KDM4C: variants seen among roughly 807,000 people sequenced by gnomAD.
The protein encoded by KDM4C is lysine demethylase 4C, also known as lysine-specific demethylase 4C.
KDM4C carries 81 observed loss-of-function variants against 129.3 expected under a neutral mutation model. That is an observed-to-expected ratio of 0.63 (90% CI 0.52 to 0.75). The LOEUF is 0.75. Ranked by LOEUF, KDM4C falls within the 30% of genes least tolerant of loss-of-function variation. KDM4C has a pLI of 0.00. For missense variants in KDM4C, 1,457 were observed against 1,304.0 expected (o/e 1.12, Z -1.81); for synonymous variants, 573 against 456.1 (o/e 1.26, Z -3.26).
At chr9:6,913,972 C>T (rs1048361372) in intron 8 of KDM4C, among the ~76,000 whole-genome samples, 1 of 152,202 alleles carries the variant, frequency 6.6e-6, no homozygotes, top group Non-Finnish European at 1.5e-5. Flanking sequence ...ACTGCACTTT[C>T]TGCGTTTCTT....
chr9:7,014,049 A>G (rs758917420), intron 14 of KDM4C, 48 bp downstream of exon 14: 14 of 1,492,208 alleles, frequency 9.4e-6, no homozygotes, highest in Non-Finnish European at 1.3e-5. Flanking sequence ...AGCATTTCAC[A>G]TCATCTTTAT....
intron 1 of KDM4C, among the ~76,000 whole-genome samples, chr9:6,768,504 C>T (rs954508344): frequency 3.9e-5 from 6 of 152,082 alleles, no homozygotes; most frequent in Non-Finnish European, 8.8e-5. Flanking sequence ...TCCATAACTG[C>T]AGTATATCCA....
At chr9:6,951,951 AT>A (rs1828230100) in intron 8 of KDM4C, among the ~76,000 whole-genome samples, 1 of 151,968 alleles carries the variant, frequency 6.6e-6, no homozygotes, top group African/African-American at 2.4e-5. Flanking sequence ...TATGCCTTTA[AT>A]ATTGGGGTAT....
At chr9:7,005,209 G>A (rs2132074080) in intron 12 of KDM4C, among the ~76,000 whole-genome samples, 2 of 152,264 alleles carry the variant, frequency 1.3e-5, no homozygotes, top group Middle Eastern at 3.4e-3. Flanking sequence ...GCTGAGGTGG[G>A]CAGATCATCT....
At chr9:6,935,764 A>T (rs550417410) in intron 8 of KDM4C, among the ~76,000 whole-genome samples, 2 of 152,138 alleles carry the variant, frequency 1.3e-5, no homozygotes, top group Non-Finnish European at 2.9e-5. Context: ...GCTTTAATGT[A>T]TGTCTTTGTA....
chr9:7,102,456 T>C (rs964968419), intron 17 of KDM4C, among the ~76,000 whole-genome samples: 1 of 151,574 alleles, frequency 6.6e-6, no homozygotes, highest in African/African-American at 2.4e-5. Context: ...CAAATGGAGA[T>C]AGAATGAAAT....
intron 4 of KDM4C, among the ~76,000 whole-genome samples, chr9:6,826,691 C>T (rs1244351568): frequency 6.6e-6 from 1 of 152,040 alleles, no homozygotes; most frequent in Non-Finnish European, 1.5e-5. Flanking sequence ...CATTGTGAAA[C>T]CCTGTCTCTA....
intron 3 of KDM4C, among the ~76,000 whole-genome samples, chr9:6,809,288 G>A (rs11999429): frequency 0.16 from 24,008 of 152,158 alleles, 2,672 homozygotes; most frequent in African/African-American, 0.32. Flanking sequence ...TTTTCTTTCA[G>A]ACTCTTCCAG....
At chr9:7,017,914 C>G (rs1823974930) in intron 15 of KDM4C, among the ~76,000 whole-genome samples, 1 of 152,152 alleles carries the variant, frequency 6.6e-6, no homozygotes, top group Non-Finnish European at 1.5e-5. Context: ...TGCTGGCATT[C>G]ACTTTGGGGA....
At chr9:6,841,725 C>G (rs142779828) in intron 4 of KDM4C, among the ~76,000 whole-genome samples, 3 of 152,196 alleles carry the variant, frequency 2.0e-5, no homozygotes, top group Non-Finnish European at 4.4e-5. Context: ...GGGCAAGTGA[C>G]TATAGCTATT....
At chr9:6,768,031 G>A (rs1461204512) in intron 1 of KDM4C, among the ~76,000 whole-genome samples, 3 of 152,034 alleles carry the variant, frequency 2.0e-5, no homozygotes, top group African/African-American at 4.8e-5. Flanking sequence ...GTATTAAAGG[G>A]TAAAATGTGT....
intron 4 of KDM4C, among the ~76,000 whole-genome samples, chr9:6,828,178 C>T (rs929490248): frequency 2.0e-5 from 3 of 151,884 alleles, no homozygotes; most frequent in Non-Finnish European, 4.4e-5. Flanking sequence ...GACGGAGCCT[C>T]GCACTGTCGC....
chr9:6,800,348 C>T (rs563240510), intron 2 of KDM4C, among the ~76,000 whole-genome samples: 1 of 152,120 alleles, frequency 6.6e-6, no homozygotes, highest in African/African-American at 2.4e-5. Flanking sequence ...GCCTGGGCAA[C>T]AGTGAGACTC....
In KDM4C at chr9:6,758,301, G is replaced by T; in HGVS notation, c.-18+98G>T. The T allele has an allele frequency of 1.4e-6, 1 of 731,204 alleles. No homozygotes were observed. The highest frequency in any genetic ancestry group is 6.2e-5 in the South Asian group (1 of 16,220). 45.3% of individuals were successfully genotyped at this position (731,204 alleles called of 1,614,324 possible). The stretch of plus-strand genomic sequence containing the variant: ...CTCCGCGTGGGGCACGGGGGTGCGG[G>T]CGTCCGGGCGAGCGGCGACGCTGGG... On this transcript the variant is annotated intron_variant, in intron 1 of 21. Coordinates refer to ENST00000381309, the MANE Select transcript of KDM4C (RefSeq NM_015061.6). The surrounding 1 kb of genome is among the most constrained non-coding windows in gnomAD (Gnocchi z 4.6).
Position 7,013,913 on chromosome 9 carries a change from A to G in KDM4C, c.2094A>G (p.Ile698Met). 1 of 1,613,988 alleles carries G rather than the reference A, an allele frequency of 6.2e-7. No individual in the cohort carries two copies. The highest frequency in any genetic ancestry group is 8.5e-7 in the Non-Finnish European group (1 of 1,179,844). Residue 698 changes from isoleucine to methionine, a missense_variant, in exon 14 of 22, where the codon ATA becomes ATG. Ile to Met is a conservative substitution (Grantham distance 10). Coordinates refer to ENST00000381309, the MANE Select transcript of KDM4C (RefSeq NM_015061.6). ...EMCFIYSEEN[I>M]EYSPPNAFLE... ...GTTTTATTTATAGTGAAGAAAATAT[A>G]GAATATTCTCCACCCAATGCCTTCC...
intron 11 of KDM4C, among the ~76,000 whole-genome samples, chr9:6,989,718 A>G (rs1818384187): frequency 1.3e-5 from 2 of 152,186 alleles, no homozygotes; most frequent in South Asian, 4.1e-4. Context: ...ACATGGGAAC[A>G]TCTTAGAGGT....
chr9:7,135,948 C>T (rs747436597), intron 19 of KDM4C, among the ~76,000 whole-genome samples: 4 of 152,182 alleles, frequency 2.6e-5, no homozygotes, highest in Non-Finnish European at 4.4e-5. Context: ...CAGTTATACT[C>T]CCTCACCACC....
chr9:6,797,484 A>T (rs558918548), intron 2 of KDM4C, among the ~76,000 whole-genome samples: 1 of 152,336 alleles, frequency 6.6e-6, no homozygotes, highest in South Asian at 2.1e-4. Flanking sequence ...TTGACTGTCT[A>T]CAAAGTTGAT....
chr9:6,893,084 C>G lies in KDM4C; in HGVS notation c.784-11C>G. The stretch of plus-strand genomic sequence containing the variant: ...ATTTTTACAAAATATTATATGTTTC[C>G]TACCTTGCAGATAACCCAGGAGGCT... On this transcript the variant is annotated splice_polypyrimidine_tract_variant and intron_variant, in intron 7 of 21. Transcript: ENST00000381309. 1 of 1,509,442 alleles carries G rather than the reference C, an allele frequency of 6.6e-7. No homozygotes were observed. The highest frequency in any genetic ancestry group is 8.9e-7 in the Non-Finnish European group (1 of 1,127,246). 93.5% of individuals were successfully genotyped at this position (1,509,442 alleles called of 1,614,324 possible).
Sources: allele counts gnomAD v4.1 joint callset (sites outside exome capture counted in the v4.1 genomes callset), GRCh38; gene constraint gnomAD v4.1.1; non-coding constraint Gnocchi (gnomAD v3.1); transcripts MANE v1.5; gene names NCBI Gene and HGNC (gene_info 2026-07-23, HGNC 2026-07-21).